Variants in FAM8A1 observed in about 807,000 individuals in gnomAD.
FAM8A1 encodes the protein protein FAM8A1.
Under a neutral mutation model 38.3 loss-of-function variants are expected in FAM8A1, and 18 were observed. The observed-to-expected ratio is 0.47, with a 90% CI of 0.33 to 0.70. The LOEUF (loss-of-function observed/expected upper bound fraction) is 0.70. Ranked by LOEUF, FAM8A1 falls within the 30% of genes least tolerant of loss-of-function variation. FAM8A1 has a pLI of 0.03. For synonymous variants in FAM8A1, 246 were observed against 234.4 expected (o/e 1.05, Z -0.45); for missense variants, 559 against 559.6 (o/e 1.00, Z 0.01).
intron 4 of FAM8A1, among the ~76,000 whole-genome samples, chr6:17,606,358 G>A (rs1011386942): frequency 1.3e-5 from 2 of 151,884 alleles, no homozygotes; most frequent in African/African-American, 4.8e-5. Context: ...CCGCCACCAC[G>A]CCCGGCTAAT....
chr6:17,602,554 C>T, intron 1 of FAM8A1, 36 bp from the exon 2 acceptor site: 3 of 1,565,392 alleles, frequency 1.9e-6, no homozygotes, highest in Non-Finnish European at 2.6e-6. Context: ...TGAAATGATT[C>T]GTTTTTCCTA....
chr6:17,601,140 A>C lies in FAM8A1; in HGVS notation c.712+19A>C. On this transcript the variant is annotated intron_variant, in intron 1 of 4. Transcript: ENST00000259963. ...CAGGCAGGTGAGAAGCGCGAGGTGGAGGCTGGGCGGAGTAGAAGGGTTTTC... is the reference window on the plus strand; with the variant it reads ...CAGGCAGGTGAGAAGCGCGAGGTGGCGGCTGGGCGGAGTAGAAGGGTTTTC... 6.4e-7 allele frequency: 1 copy of C among 1,573,616 alleles called. No individual in the cohort carries two copies. The highest frequency in any genetic ancestry group is 8.6e-7 in the Non-Finnish European group (1 of 1,162,464).
Position 17,600,308 on chromosome 6 carries a change from G to A in FAM8A1, c.-102G>A. On this transcript the variant is annotated 5_prime_UTR_variant, in exon 1 of 5. Transcript: ENST00000259963. ...CCGCTTCCGGCGGGGGATTGTTGAC[G>A]CCTGCGGTTGCTGCGGTGGTGACGG... The A allele has an allele frequency of 3.2e-6, 4 of 1,264,014 alleles. No homozygotes were observed. Among genetic ancestry groups the A allele is most frequent in the South Asian group, 2.6e-5 (1 of 38,456 alleles). 78.3% of individuals were successfully genotyped at this position (1,264,014 alleles called of 1,614,324 possible).
In FAM8A1 at chr6:17,610,735, A is replaced by G. The variant is rs1764130171; in HGVS notation, c.*2396A>G. ...AAAAAGCCAAAAGAAAGTTGTCTTC[A>G]TTGTACAAACATATTCATCACTTTA... On this transcript the variant is annotated 3_prime_UTR_variant, in exon 5 of 5. Coordinates refer to ENST00000259963, the MANE Select transcript of FAM8A1 (RefSeq NM_016255.3). 1 of 152,194 alleles carries G rather than the reference A, an allele frequency of 6.6e-6. No individual in the cohort carries two copies. The highest frequency in any genetic ancestry group is 2.4e-5 in the African/African-American group (1 of 41,458). The allele number at this position is 152,194 out of a possible 1,614,324, so 9.4% of individuals were successfully genotyped here.
chr6:17,600,503 C>T lies in FAM8A1; in HGVS notation c.94C>T (p.Pro32Ser). 6.5e-7 allele frequency: 1 copy of T among 1,534,904 alleles called. No homozygotes were observed. Among genetic ancestry groups the T allele is most frequent in the Non-Finnish European group, 8.7e-7 (1 of 1,145,322 alleles). The change falls in exon 1 of 5, where the codon CCT (proline) becomes TCT (serine). Residue 32 changes from proline (P) to serine (S), a missense_variant. Pro to Ser is a moderately conservative substitution (Grantham distance 74, BLOSUM62 -1). Around this residue, in one of 2 missense-constraint regions of FAM8A1, gnomAD observed 393 missense variants for 338.9 expected, o/e 1.16. Coordinates refer to ENST00000259963, the MANE Select transcript of FAM8A1 (RefSeq NM_016255.3). ...HEPVPSLRGP[P>S]TTAVPCPRDD... ...GCCCGTCCCTTCCCTGAGAGGCCCT[C>T]CTACCACCGCCGTCCCATGCCCCCG...
intron 4 of FAM8A1, 150 bp downstream of exon 4, chr6:17,606,163 G>T (rs928310577): frequency 6.6e-6 from 3 of 455,980 alleles, no homozygotes; most frequent in African/African-American, 4.1e-5. Context: ...TTACATGATT[G>T]TAGACCTCTT....
At chr6:17,608,091 G>A in intron 4 of FAM8A1, 104 bp from the exon 5 acceptor site, 1 of 1,223,508 alleles carries the variant, frequency 8.2e-7, no homozygotes, top group Non-Finnish European at 1.2e-6. Flanking sequence ...CTGTAGAGAA[G>A]TACAATTGTG....
In FAM8A1 at chr6:17,600,674, G is replaced by A. The variant is rs1171628546; in HGVS notation, c.265G>A (p.Glu89Lys). The A allele has an allele frequency of 5.6e-6, 9 of 1,598,796 alleles. No homozygotes were observed. The highest frequency in any genetic ancestry group is 7.7e-6 in the Non-Finnish European group (9 of 1,175,286). ...CTCCGGCTCCGGTGCAGAGCTGCAG[G>A]AGCAGGCGGGCTGCGAGGCGCCCGA... Reference protein sequence around the residue: ...AASGSGAELQEQAGCEAPEAA... With the variant: ...AASGSGAELQKQAGCEAPEAA... Residue 89 changes from glutamate to lysine, a missense_variant, in exon 1 of 5, where the codon GAG becomes AAG. By Grantham distance (56) the Glu-to-Lys change is moderately conservative. Coordinates refer to ENST00000259963, the MANE Select transcript of FAM8A1 (RefSeq NM_016255.3).
At position 17,611,685 on chromosome 6, in the gene FAM8A1, T is replaced by C. The variant is rs1764147917; in HGVS notation, c.*3346T>C. ...ATAATTTGTATGCCACCAATTTGTA[T>C]TATTTGTCTCAATAAATACTTAGTC... On this transcript the variant is annotated 3_prime_UTR_variant, in exon 5 of 5. Coordinates refer to ENST00000259963, the MANE Select transcript of FAM8A1 (RefSeq NM_016255.3). The C allele has an allele frequency of 6.6e-6, 1 of 152,222 alleles. No homozygotes were observed. The highest frequency in any genetic ancestry group is 1.5e-5 in the Non-Finnish European group (1 of 68,044). 9.4% of individuals were successfully genotyped at this position (152,222 alleles called of 1,614,324 possible).
At position 17,611,574 on chromosome 6, in the gene FAM8A1, T is replaced by A. The variant is rs1002469761; in HGVS notation, c.*3235T>A. ...TCCTCATTTCAAACAGTATACATAC[T>A]TCTTTGCAGTTCATTATAGTAAGGC... On this transcript the variant is annotated 3_prime_UTR_variant, in exon 5 of 5. Coordinates refer to ENST00000259963, the MANE Select transcript of FAM8A1 (RefSeq NM_016255.3). The A allele has an allele frequency of 2.6e-5, 4 of 152,582 alleles. No individual in the cohort carries two copies. The highest frequency in any genetic ancestry group is 9.7e-5 in the African/African-American group (4 of 41,442). The allele number at this position is 152,582 out of a possible 1,614,324, so 9.5% of individuals were successfully genotyped here.
intron 2 of FAM8A1, among the ~76,000 whole-genome samples, chr6:17,604,594 C>T (rs1764027777): frequency 6.6e-6 from 1 of 152,146 alleles, no homozygotes; most frequent in Admixed American, 6.6e-5. Context: ...CCCATCACAG[C>T]ACTCATCCCA....
intron 1 of FAM8A1, among the ~76,000 whole-genome samples, chr6:17,601,580 A>G (rs1186275603): frequency 2.0e-5 from 3 of 152,242 alleles, no homozygotes; most frequent in East Asian, 3.8e-4. Flanking sequence ...GGAGTTAGGA[A>G]GTTTTGATTG....
In FAM8A1 at chr6:17,604,914, C is replaced by CT. The variant is rs749389026; in HGVS notation, c.843dup (p.Lys282Ter). 1.9e-6 allele frequency: 3 copies of CT among 1,587,264 alleles called. No homozygotes were observed. Among genetic ancestry groups the CT allele is most frequent in the South Asian group, 2.3e-5 (2 of 87,396 alleles). ...ACTATTATTTTGTGTAGGGATATCTCTAAGTTTGCTATGCATTATATAATA... is the reference window on the plus strand; with the variant it reads ...ACTATTATTTTGTGTAGGGATATCTCTTAAGTTTGCTATGCATTATATAATA... On this transcript the variant is annotated frameshift_variant, in exon 3 of 5. Coordinates refer to ENST00000259963, the MANE Select transcript of FAM8A1 (RefSeq NM_016255.3). LOFTEE classifies it high-confidence loss of function.
At chr6:17,605,705 T>C (rs1764043564) in intron 3 of FAM8A1, among the ~76,000 whole-genome samples, 169 bp from the exon 4 acceptor site, 1 of 152,258 alleles carries the variant, frequency 6.6e-6, no homozygotes, top group Non-Finnish European at 1.5e-5. Context: ...GTATTGGACA[T>C]GTTAGAGACC....
At position 17,600,425 on chromosome 6, in the gene FAM8A1, G is replaced by A. The variant is rs1763963240; in HGVS notation, c.16G>A (p.Glu6Lys). 3 of 1,436,246 alleles carry A rather than the reference G, an allele frequency of 2.1e-6. No individual in the cohort carries two copies. The South Asian group carries it at 4.3e-5, about 20-fold the overall frequency. The allele number at this position is 1,436,246 out of a possible 1,614,324, so 89.0% of individuals were successfully genotyped here. A position where few individuals can be genotyped will look rare whatever the true frequency, so the allele number is the denominator to read the frequency against. MAEGP[E>K]EARGHPPGQD... is the part of the protein sequence containing the mutation. Reference sequence around the variant, plus strand: ...TGAGGCGACGATGGCCGAGGGGCCCGAGGAAGCCCGAGGCCACCCTCCCGG... The same window carrying A: ...TGAGGCGACGATGGCCGAGGGGCCCAAGGAAGCCCGAGGCCACCCTCCCGG... Residue 6 changes from glutamate to lysine, a missense_variant, in exon 1 of 5, where the codon GAG (glutamate) becomes AAG (lysine). By Grantham distance (56) the Glu-to-Lys change is moderately conservative. This residue lies in a region of FAM8A1 where 393 missense variants were observed against 338.9 expected (regional missense o/e 1.16). Transcript: ENST00000259963.
chr6:17,600,531 A>T lies in FAM8A1; in HGVS notation c.122A>T (p.Asp41Val). The T allele has an allele frequency of 6.5e-7, 1 of 1,531,462 alleles. No individual in the cohort carries two copies. Among genetic ancestry groups the T allele is most frequent in the East Asian group, 2.8e-5 (1 of 35,826 alleles). 94.9% of individuals were successfully genotyped at this position (1,531,462 alleles called of 1,614,324 possible). Residue 41 changes from aspartate to valine, a missense_variant, in exon 1 of 5, where the codon GAC (aspartate) becomes GTC (valine). Physicochemically the swap from Asp to Val is radical, Grantham distance 152. Around this residue, in one of 2 missense-constraint regions of FAM8A1, gnomAD observed 393 missense variants for 338.9 expected, o/e 1.16. Transcript: ENST00000259963. ...ACCACCGCCGTCCCATGCCCCCGCG[A>T]CGACCCCCAGGCCGAACCCCAGGCC... ...PPTTAVPCPR[D>V]DPQAEPQAPG... is the part of the protein sequence containing the mutation.
chr6:17,600,448 C>G lies in FAM8A1; in HGVS notation c.39C>G (p.Pro13=), dbSNP rs1763963574. The change falls in exon 1 of 5, where the codon CCC becomes CCG. Residue 13 remains proline, a synonymous_variant. Transcript: ENST00000259963. ...EGPEEARGHP[P]GQDDGGGDHE... Reference sequence around the variant, plus strand: ...CCGAGGAAGCCCGAGGCCACCCTCCCGGGCAGGACGATGGCGGAGGGGACC... The same window carrying G: ...CCGAGGAAGCCCGAGGCCACCCTCCGGGGCAGGACGATGGCGGAGGGGACC... 2.0e-6 allele frequency: 3 copies of G among 1,472,604 alleles called. No individual in the cohort carries two copies. Among genetic ancestry groups the G allele is most frequent in the Non-Finnish European group, 2.7e-6 (3 of 1,114,010 alleles). 91.2% of individuals were successfully genotyped at this position (1,472,604 alleles called of 1,614,324 possible).
At chr6:17,603,080 C>G (rs1363681073) in intron 2 of FAM8A1, among the ~76,000 whole-genome samples, 6 of 152,128 alleles carry the variant, frequency 3.9e-5, no homozygotes, top group African/African-American at 1.4e-4. Flanking sequence ...GTATAAAGAG[C>G]TTTTGGTAGG....
Position 17,600,567 on chromosome 6 carries a change from C to T in FAM8A1, c.158C>T (p.Pro53Leu). ...PQAEPQAPGR[P>L]TAPGLAAAAA... Reference sequence around the variant, plus strand: ...GCCGAACCCCAGGCCCCGGGCCGGCCCACAGCCCCGGGCCTCGCGGCTGCC... The same window carrying T: ...GCCGAACCCCAGGCCCCGGGCCGGCTCACAGCCCCGGGCCTCGCGGCTGCC... Residue 53 changes from proline (P) to leucine (L), a missense_variant, in exon 1 of 5, where the codon CCC becomes CTC. Physicochemically the swap from Pro to Leu is moderately conservative, Grantham distance 98 (BLOSUM62 -3). Coordinates refer to ENST00000259963, the MANE Select transcript of FAM8A1 (RefSeq NM_016255.3). The T allele has an allele frequency of 6.7e-7, 1 of 1,499,806 alleles. No individual in the cohort carries two copies. The highest frequency in any genetic ancestry group is 1.3e-5 in the South Asian group (1 of 79,334). The allele number at this position is 1,499,806 out of a possible 1,614,324, so 92.9% of individuals were successfully genotyped here.
Sources: gnomAD v4.1 joint callset for allele counts (sites outside exome capture counted in the v4.1 genomes callset) on GRCh38, gnomAD v4.1.1 for gene constraint, gnomAD v4.1.1 regional missense constraint, MANE v1.5 for transcripts, NCBI Gene and HGNC (gene_info 2026-07-23, HGNC 2026-07-21) for gene names.